Variants in GRB14 observed in about 807,000 individuals in gnomAD.
GRB14 encodes the protein growth factor receptor-bound protein 14.
A neutral mutation model predicts 69.1 loss-of-function variants in GRB14; 38 were observed. The ratio of observed to expected loss-of-function variants is 0.55; its 90% CI spans 0.42 to 0.72. The LOEUF (loss-of-function observed/expected upper bound fraction) is 0.72. Among genes scored for constraint, GRB14 ranks in the 30% least tolerant of loss-of-function variants. The pLI is 0.00. For missense variants in GRB14, 666 were observed against 666.1 expected, an observed-to-expected ratio of 1.00 and a Z score of 0.00; for synonymous variants, 247 against 241.3, an observed-to-expected ratio of 1.02 and a Z score of -0.22.
chr2:164,504,900 C>T (rs1687150303), intron 8 of GRB14, among the ~76,000 whole-genome samples: 1 of 152,216 alleles, frequency 6.6e-6, no homozygotes, highest in South Asian at 2.1e-4. Flanking sequence ...AGAGGCAGTA[C>T]CAGGGAGATG....
At position 164,615,806 on chromosome 2, in the gene GRB14, CAAGCACA is replaced by C. The variant is rs1690276289; in HGVS notation, c.324+3874_324+3880del. 2.0e-5 allele frequency among the ~76,000 whole-genome samples: 3 copies of C among 152,036 alleles called. No individual in the cohort carries two copies. In the South Asian group the frequency reaches 6.2e-4, roughly 32 times the overall value. On this transcript the variant is annotated intron_variant, in intron 2 of 13. Coordinates refer to ENST00000263915, the MANE Select transcript of GRB14 (RefSeq NM_004490.3). ...CCAGAGCTACTACACAGGCTATGTC[CAAGCACA>C]AAAATTACCTAGGGGTCAACAAAAA...
At chr2:164,599,169 G>A (rs549752977) in intron 2 of GRB14, among the ~76,000 whole-genome samples, 2 of 152,222 alleles carry the variant, frequency 1.3e-5, no homozygotes, top group South Asian at 4.1e-4. Flanking sequence ...TCTCCAGCAC[G>A]GTGCCTCGAT....
chr2:164,550,343 G>A (rs1688503346), intron 2 of GRB14, among the ~76,000 whole-genome samples: 1 of 152,146 alleles, frequency 6.6e-6, no homozygotes, highest in Non-Finnish European at 1.5e-5. Flanking sequence ...GCCTAACTAT[G>A]AAAACCCATA....
rs183813378 is a variant in GRB14 at position 164,577,111 on chromosome 2, T to C, written c.325-29295A>G. 3.9e-5 allele frequency among the ~76,000 whole-genome samples: 6 copies of C among 152,300 alleles called. No homozygotes were observed. In the East Asian group the frequency reaches 9.6e-4, roughly 24 times the overall value. On this transcript the variant is annotated intron_variant, in intron 2 of 13. Transcript: ENST00000263915. The stretch of plus-strand genomic sequence containing the variant: ...ATTAATTGCTATAGAAGAAAGACAG[T>C]TGTCAAAGAGATACTGCTAAAAATT...
chr2:164,553,067 A>G (rs922902340), intron 2 of GRB14, among the ~76,000 whole-genome samples: 3 of 152,166 alleles, frequency 2.0e-5, no homozygotes, highest in African/African-American at 7.2e-5. Flanking sequence ...GACTACCCCC[A>G]TATGTTTTCC....
intron 6 of GRB14, among the ~76,000 whole-genome samples, chr2:164,516,900 T>C (rs114778174): frequency 0.023 from 3,454 of 152,214 alleles, 156 homozygotes; most frequent in African/African-American, 0.078. Context: ...GGTCCTTGCC[T>C]GTAATCCCAG....
At chr2:164,502,161 C>A in intron 9 of GRB14, 94 bp downstream of exon 9, 1 of 621,110 alleles carries the variant, frequency 1.6e-6, no homozygotes, top group South Asian at 2.4e-5. Flanking sequence ...CAGAAAATAA[C>A]ATAAATTATT....
chr2:164,556,785 T>G (rs1268505949), intron 2 of GRB14, among the ~76,000 whole-genome samples: 6 of 152,108 alleles, frequency 3.9e-5, no homozygotes, highest in African/African-American at 1.4e-4. Flanking sequence ...CCCTTCACCA[T>G]AAGAACGATG....
At chr2:164,509,792 G>GAAAAA (rs10675642) in intron 6 of GRB14, among the ~76,000 whole-genome samples, 5 of 86,218 alleles carry the variant, frequency 5.8e-5, no homozygotes, top group African/African-American at 1.9e-4. Context: ...AGAAGCAGTG[G>GAAAAA]AAAAAAAAAA....
intron 6 of GRB14, among the ~76,000 whole-genome samples, chr2:164,517,448 A>C (rs1036122219): frequency 3.3e-5 from 5 of 152,190 alleles, no homozygotes; most frequent in Non-Finnish European, 5.9e-5. Context: ...CATGATGAAA[A>C]AAGAAACAAG....
At chr2:164,530,814 C>A (rs1312259791) in intron 3 of GRB14, among the ~76,000 whole-genome samples, 2 of 152,120 alleles carry the variant, frequency 1.3e-5, no homozygotes, top group African/African-American at 4.8e-5. Flanking sequence ...CTAGGCTTTT[C>A]CTCTGTGTTA....
intron 3 of GRB14, among the ~76,000 whole-genome samples, chr2:164,544,820 G>A (rs572387237): frequency 3.9e-5 from 6 of 152,280 alleles, no homozygotes; most frequent in Non-Finnish European, 7.4e-5. Flanking sequence ...ACGAGGTTCT[G>A]ACATGTCCTA....
chr2:164,551,296 A>G (rs1045545850), intron 2 of GRB14, among the ~76,000 whole-genome samples: 1 of 152,090 alleles, frequency 6.6e-6, no homozygotes, highest in African/African-American at 2.4e-5. Flanking sequence ...ACCTTGGCAC[A>G]CACTTCCTTT....
intron 6 of GRB14, among the ~76,000 whole-genome samples, chr2:164,519,320 T>TA (rs948529531): frequency 1.1e-4 from 17 of 151,974 alleles, no homozygotes; most frequent in Non-Finnish European, 8.8e-5. Context: ...CACTTTATGA[T>TA]AAAAAACTTC....
chr2:164,615,749 A>G (rs893609637), intron 2 of GRB14, among the ~76,000 whole-genome samples: 1 of 152,202 alleles, frequency 6.6e-6, no homozygotes, highest in African/African-American at 2.4e-5. Flanking sequence ...ATTCTTACTT[A>G]GTTGTACAAC....
chr2:164,551,298 A>G (rs897133480), intron 2 of GRB14, among the ~76,000 whole-genome samples: 2 of 152,094 alleles, frequency 1.3e-5, no homozygotes, highest in African/African-American at 4.8e-5. Context: ...CTTGGCACAC[A>G]CTTCCTTTTC....
chr2:164,580,085 T>C (rs557343967), intron 2 of GRB14, among the ~76,000 whole-genome samples: 1 of 128,678 alleles, frequency 7.8e-6, no homozygotes, highest in African/African-American at 3.0e-5. Context: ...TCTAGTAGCA[T>C]TCTATGATAC....
At chr2:164,599,683 T>G (rs13393278) in intron 2 of GRB14, among the ~76,000 whole-genome samples, 1 of 152,174 alleles carries the variant, frequency 6.6e-6, no homozygotes, top group Admixed American at 6.5e-5. Context: ...TATTTGCATA[T>G]GCACTAAGTC....
intron 12 of GRB14, among the ~76,000 whole-genome samples, chr2:164,494,848 G>T (rs1686851249): frequency 6.6e-6 from 1 of 152,116 alleles, no homozygotes; most frequent in South Asian, 2.1e-4. Context: ...GGGAAACTGG[G>T]TATTCACATG....
Sources: allele counts gnomAD v4.1 joint callset (sites outside exome capture counted in the v4.1 genomes callset), GRCh38; gene constraint gnomAD v4.1.1; transcripts MANE v1.5; gene names NCBI Gene and HGNC (gene_info 2026-07-23, HGNC 2026-07-21).